JAM3: variants seen among roughly 807,000 people sequenced by gnomAD.
The protein encoded by JAM3 is junctional adhesion molecule 3.
A neutral mutation model predicts 39.4 loss-of-function variants in JAM3; 31 were observed. That is an observed-to-expected ratio of 0.79 (90% CI 0.59 to 1.06). The LOEUF (loss-of-function observed/expected upper bound fraction) is 1.06. Ranked by LOEUF, JAM3 falls within the 50% of genes least tolerant of loss-of-function variation. The probability of loss-of-function intolerance (pLI) is 0.00; values close to 1 mark genes in which losing one functional copy is unlikely to be tolerated. For missense variants in JAM3, 455 were observed against 391.4 expected (o/e 1.16, Z -1.37); for synonymous variants, 182 against 148.7 (o/e 1.22, Z -1.63).
Position 134,150,227 on chromosome 11 carries a change from AAATT to A in JAM3, c.*1047_*1050del, listed in dbSNP as rs1943174841. On this transcript the variant is annotated 3_prime_UTR_variant, in exon 9 of 9. Transcript: ENST00000299106. ...CCATAGTTGCTTAGGAAACCTTTAA[AAATT>A]CCAGTTAAGCAATGTTGAAATCAGT... is the stretch of plus-strand genomic sequence containing the variant. The A allele has an allele frequency of 6.6e-6, 1 of 152,340 alleles. No individual in the cohort carries two copies. Among genetic ancestry groups the A allele is most frequent in the Non-Finnish European group, 1.5e-5 (1 of 68,126 alleles). 9.4% of individuals were successfully genotyped at this position (152,340 alleles called of 1,614,324 possible). A position where few individuals can be genotyped will look rare whatever the true frequency, so the allele number is the denominator to read the frequency against.
intron 1 of JAM3, among the ~76,000 whole-genome samples, chr11:134,128,032 A>G (rs1219735895): frequency 5.3e-5 from 8 of 152,256 alleles, no homozygotes; most frequent in African/African-American, 1.9e-4. Context: ...TTTTGTTTAT[A>G]AAAGTGAAAT....
chr11:134,139,917 G>A lies in JAM3; in HGVS notation c.142+1G>A. On this transcript the variant is annotated splice_donor_variant, in intron 2 of 8. Coordinates refer to ENST00000299106, the MANE Select transcript of JAM3 (RefSeq NM_032801.5). LOFTEE classifies it high-confidence loss of function. ...ACCCCAGTGGTACAGGAATTTGAAAGTAAGTACAAACGAAATGCCTAGGAT... is the reference window on the plus strand; with the variant it reads ...ACCCCAGTGGTACAGGAATTTGAAAATAAGTACAAACGAAATGCCTAGGAT... 2.5e-6 allele frequency: 4 copies of A among 1,611,902 alleles called. No homozygotes were observed. Among genetic ancestry groups the A allele is most frequent in the Non-Finnish European group, 3.4e-6 (4 of 1,178,038 alleles).
chr11:134,134,251 T>C (rs1942819819), intron 1 of JAM3, among the ~76,000 whole-genome samples: 1 of 151,694 alleles, frequency 6.6e-6, no homozygotes, highest in African/African-American at 2.4e-5. Context: ...CTACAGAAGA[T>C]TAACATACTT....
At position 134,144,409 on chromosome 11, in the gene JAM3, A is replaced by G. The variant is rs1855119709; in HGVS notation, c.409+16A>G. The G allele has an allele frequency of 1.2e-6, 2 of 1,613,904 alleles. No homozygotes were observed. Among genetic ancestry groups the G allele is most frequent in the African/African-American group, 1.3e-5 (1 of 74,930 alleles). ...ACTGTGCAAGGTAGGAGCTCATGCG[A>G]AGGTGAGACATTGCCACCATAGGAT... On this transcript the variant is annotated intron_variant, in intron 4 of 8. Transcript: ENST00000299106.
At chr11:134,070,549 C>G (rs1340316125) in intron 1 of JAM3, among the ~76,000 whole-genome samples, 6 of 152,134 alleles carry the variant, frequency 3.9e-5, no homozygotes, top group Non-Finnish European at 8.8e-5. Flanking sequence ...AAAGTGATTC[C>G]CAAAACCAAA....
intron 1 of JAM3, among the ~76,000 whole-genome samples, chr11:134,105,257 T>A (rs1169746673): frequency 3.3e-5 from 5 of 152,152 alleles, no homozygotes; most frequent in Non-Finnish European, 7.3e-5. Context: ...AAAAACCACA[T>A]GATTATCTCA....
At chr11:134,104,115 A>T (rs1285305178) in intron 1 of JAM3, among the ~76,000 whole-genome samples, 4 of 152,160 alleles carry the variant, frequency 2.6e-5, no homozygotes, top group Admixed American at 1.3e-4. Flanking sequence ...GAAGTAAAGC[A>T]CTCCTCAGCA....
chr11:134,141,558 A>G (rs1942972798), intron 3 of JAM3, among the ~76,000 whole-genome samples: 1 of 151,958 alleles, frequency 6.6e-6, no homozygotes, highest in Non-Finnish European at 1.5e-5. Flanking sequence ...CTCTCAGGGG[A>G]GGTGCCGTGG....
chr11:134,134,449 C>T (rs1942826930), intron 1 of JAM3, among the ~76,000 whole-genome samples: 1 of 131,240 alleles, frequency 7.6e-6, no homozygotes, highest in Non-Finnish European at 1.6e-5. Context: ...AATCACACTG[C>T]AGAAAATCAA....
chr11:134,095,474 A>G (rs977656028), intron 1 of JAM3, among the ~76,000 whole-genome samples: 2 of 152,126 alleles, frequency 1.3e-5, no homozygotes, highest in African/African-American at 4.8e-5. Flanking sequence ...TACTAAAAAT[A>G]CAAAAAATTA....
At chr11:134,120,712 G>A (rs539178163) in intron 1 of JAM3, among the ~76,000 whole-genome samples, 9 of 152,276 alleles carry the variant, frequency 5.9e-5, no homozygotes, top group African/African-American at 2.2e-4. Flanking sequence ...ACGAATCTGG[G>A]AGTTCAGTTT....
chr11:134,104,613 A>G (rs1942144902), intron 1 of JAM3, among the ~76,000 whole-genome samples: 1 of 152,084 alleles, frequency 6.6e-6, no homozygotes, highest in African/African-American at 2.4e-5. Context: ...GACCGCTAGC[A>G]AGACTAATAA....
intron 1 of JAM3, among the ~76,000 whole-genome samples, chr11:134,098,880 A>C (rs1195719710): frequency 6.6e-6 from 1 of 152,078 alleles, no homozygotes; most frequent in Non-Finnish European, 1.5e-5. Flanking sequence ...TTTGGGTTAC[A>C]CCAGTCTCCA....
chr11:134,084,248 T>C (rs970884314), intron 1 of JAM3, among the ~76,000 whole-genome samples: 6 of 152,206 alleles, frequency 3.9e-5, no homozygotes, highest in African/African-American at 7.2e-5. Flanking sequence ...CATATACCTA[T>C]CTGTAAAGCC....
At chr11:134,132,353 AG>A (rs566078230) in intron 1 of JAM3, among the ~76,000 whole-genome samples, 110 of 152,348 alleles carry the variant, frequency 7.2e-4, no homozygotes, top group Admixed American at 1.8e-3. Context: ...ATGAAGCAGA[AG>A]TTAAGACATT....
intron 1 of JAM3, among the ~76,000 whole-genome samples, chr11:134,073,844 A>G (rs989515506): frequency 6.6e-6 from 1 of 152,228 alleles, no homozygotes; most frequent in African/African-American, 2.4e-5. Flanking sequence ...CTTGAAAGTG[A>G]GTTAACATTT....
At chr11:134,115,132 C>T (rs898041066) in intron 1 of JAM3, among the ~76,000 whole-genome samples, 1 of 152,112 alleles carries the variant, frequency 6.6e-6, no homozygotes, top group African/African-American at 2.4e-5. Flanking sequence ...TCATTATGAA[C>T]TAACCTTTTT....
intron 1 of JAM3, among the ~76,000 whole-genome samples, chr11:134,115,763 G>T (rs965177573): frequency 6.6e-6 from 1 of 151,982 alleles, no homozygotes; most frequent in Non-Finnish European, 1.5e-5. Flanking sequence ...AAGGCATAGT[G>T]GCACACACCT....
intron 1 of JAM3, among the ~76,000 whole-genome samples, chr11:134,129,923 A>T (rs1942735385): frequency 6.6e-6 from 1 of 152,086 alleles, no homozygotes; most frequent in South Asian, 2.1e-4. Flanking sequence ...AATCGCTTAA[A>T]CATGGGAGGC....
Sources: gnomAD v4.1 joint callset for allele counts (sites outside exome capture counted in the v4.1 genomes callset) on GRCh38, gnomAD v4.1.1 for gene constraint, MANE v1.5 for transcripts, NCBI Gene and HGNC (gene_info 2026-07-23, HGNC 2026-07-21) for gene names.